PCLO: variants seen among roughly 807,000 people sequenced by gnomAD.
The protein encoded by PCLO is piccolo presynaptic cytomatrix protein, also known as protein piccolo.
Under a neutral mutation model 427.5 loss-of-function variants are expected in PCLO, and 82 were observed. That is an observed-to-expected ratio of 0.19 (90% CI 0.16 to 0.23). The LOEUF is 0.23. Ranked by LOEUF, PCLO falls within the 10% of genes least tolerant of loss-of-function variation. The probability of loss-of-function intolerance (pLI) is 1.00; values close to 1 mark genes in which losing one functional copy is unlikely to be tolerated. For missense variants in PCLO, 6,239 were observed against 6,115.9 expected (o/e 1.02, Z -0.67); for synonymous variants, 2,357 against 2,155.4 (o/e 1.09, Z -2.59).
At position 82,915,693 on chromosome 7, in the gene PCLO, A is replaced by G. The variant is rs1413359490; in HGVS notation, c.12293T>C (p.Leu4098Ser). 1.2e-6 allele frequency: 2 copies of G among 1,612,870 alleles called. No homozygotes were observed. Among genetic ancestry groups the G allele is most frequent in the Admixed American group, 3.3e-5 (2 of 59,818 alleles). ...SQEVTDFLAP[L>S]QSSSRLHSYV... ...ACTATGCAATCTAGAGGAAGACTGT[A>G]AAGGTGCTAGGAAATCTGTCACTTC... The change falls in exon 7 of 25, where the codon TTA becomes TCA. Residue 4098 changes from leucine to serine, a missense_variant. Physicochemically the swap from Leu to Ser is moderately radical, Grantham distance 145. This residue lies in a region of PCLO where 680 missense variants were observed against 677.3 expected (regional missense o/e 1.00). Transcript: ENST00000333891.
intron 3 of PCLO, among the ~76,000 whole-genome samples, chr7:83,022,141 A>T (rs1254984930): frequency 5.3e-5 from 8 of 152,072 alleles, no homozygotes; most frequent in Non-Finnish European, 8.8e-5. Context: ...GCCCATATGA[A>T]AGAGGCCTGA....
At chr7:83,120,219 T>C (rs763503655) in intron 3 of PCLO, among the ~76,000 whole-genome samples, 6 of 151,716 alleles carry the variant, frequency 4.0e-5, no homozygotes, top group South Asian at 2.1e-4. Context: ...CTGGCCAACA[T>C]AGCAAATCCT....
intron 3 of PCLO, among the ~76,000 whole-genome samples, chr7:83,024,433 C>T (rs902391279): frequency 3.3e-5 from 5 of 152,320 alleles, no homozygotes; most frequent in Admixed American, 2.6e-4. Context: ...GATTATATCC[C>T]GCACGTGGCT....
chr7:82,888,232 A>T (rs752682899), intron 9 of PCLO, among the ~76,000 whole-genome samples: 3 of 152,152 alleles, frequency 2.0e-5, no homozygotes, highest in Non-Finnish European at 2.9e-5. Flanking sequence ...GTTAGGATGG[A>T]ACACACTTGT....
chr7:83,028,402 G>A (rs1472832344), intron 3 of PCLO, among the ~76,000 whole-genome samples: 3 of 146,826 alleles, frequency 2.0e-5, no homozygotes, highest in Non-Finnish European at 3.0e-5. Context: ...ACTTACAAGG[G>A]ATGTGAAGGA....
chr7:83,065,372 A>C (rs2116330482), intron 3 of PCLO, among the ~76,000 whole-genome samples: 1 of 151,912 alleles, frequency 6.6e-6, no homozygotes, highest in East Asian at 1.9e-4. Context: ...TAGTCACTTA[A>C]ATAAAAACTC....
intron 22 of PCLO, among the ~76,000 whole-genome samples, chr7:82,799,655 T>G (rs1262460960): frequency 6.6e-6 from 1 of 152,092 alleles, no homozygotes; most frequent in Non-Finnish European, 1.5e-5. Context: ...TTCCAGTTGG[T>G]TTTGATCAGG....
intron 3 of PCLO, among the ~76,000 whole-genome samples, chr7:83,069,329 G>GA (rs934050403): frequency 9.9e-5 from 15 of 152,086 alleles, no homozygotes; most frequent in African/African-American, 3.6e-4. Context: ...TCATTTGGTT[G>GA]AAAAAAATCC....
chr7:83,027,599 C>G (rs1353835776), intron 3 of PCLO, among the ~76,000 whole-genome samples: 1 of 149,888 alleles, frequency 6.7e-6, no homozygotes, highest in Non-Finnish European at 1.5e-5. Context: ...CTCCCTAACT[C>G]ATTTTATGAG....
intron 3 of PCLO, among the ~76,000 whole-genome samples, chr7:83,090,173 A>G (rs9649067): frequency 0.56 from 84,333 of 151,860 alleles, 25,173 homozygotes; most frequent in African/African-American, 0.77. Context: ...GTGGTGGTGC[A>G]CGCCTGTAGT....
Position 82,966,388 on chromosome 7 carries a change from C to T in PCLO, c.3400G>A (p.Ala1134Thr). The T allele has an allele frequency of 6.2e-7, 1 of 1,613,718 alleles. No homozygotes were observed. The highest frequency in any genetic ancestry group is 8.5e-7 in the Non-Finnish European group (1 of 1,179,762). Residue 1134 changes from alanine to threonine, a missense_variant, in exon 4 of 25, where the codon GCA becomes ACA. Coordinates refer to ENST00000333891, the MANE Select transcript of PCLO (RefSeq NM_033026.6). ...KMPPAPSGPK[A>T]SPMPVPTESS... Reference sequence around the variant, plus strand: ...TCTGTAGGAACAGGCATAGGAGATGCTTTGGGTCCTGATGGTGCAGGTGGC... The same window carrying T: ...TCTGTAGGAACAGGCATAGGAGATGTTTTGGGTCCTGATGGTGCAGGTGGC...
At position 83,156,514 on chromosome 7, in the gene PCLO, G is replaced by C; in HGVS notation, c.249-122C>G. 5 of 589,056 alleles carry C rather than the reference G, an allele frequency of 8.5e-6. No individual in the cohort carries two copies. The East Asian group carries it at 1.1e-4, about 13-fold the overall frequency. The allele number at this position is 589,056 out of a possible 1,614,324, so 36.5% of individuals were successfully genotyped here. ...AATTATGAATGTATAAATATAACTA[G>C]AACCCATTTTTGTAGCATCCTTTAA... On this transcript the variant is annotated intron_variant, in intron 1 of 24. Coordinates refer to ENST00000333891, the MANE Select transcript of PCLO (RefSeq NM_033026.6).
At chr7:82,998,631 G>T (rs1787695450) in intron 3 of PCLO, among the ~76,000 whole-genome samples, 1 of 151,872 alleles carries the variant, frequency 6.6e-6, no homozygotes, top group African/African-American at 2.4e-5. Flanking sequence ...CAGTCCAGAG[G>T]CACATGTTCA....
chr7:82,840,872 T>G (rs1016337885), intron 14 of PCLO, among the ~76,000 whole-genome samples: 1 of 151,912 alleles, frequency 6.6e-6, no homozygotes, highest in African/African-American at 2.4e-5. Context: ...GTTTTAAAGT[T>G]TTATTTTTAC....
In PCLO at chr7:82,955,826, T is replaced by C. The variant is rs767813179; in HGVS notation, c.5127A>G (p.Glu1709=). The change falls in exon 5 of 25, where the codon GAA becomes GAG. Residue 1709 remains glutamate, a synonymous_variant. Transcript: ENST00000333891. The part of the protein sequence containing the change: ...LEMESLTDSP[E]DRSRGEGSSS... ...AAGATCCCTCTCCCCTTGACCTATC[T>C]TCAGGTGAGTCTGTCAGGCTTTCCA... 5.6e-6 allele frequency: 9 copies of C among 1,613,986 alleles called. No homozygotes were observed. The highest frequency in any genetic ancestry group is 7.6e-6 in the Non-Finnish European group (9 of 1,179,882).
intron 2 of PCLO, among the ~76,000 whole-genome samples, chr7:83,154,480 G>C (rs533662356): frequency 6.6e-6 from 1 of 152,252 alleles, no homozygotes; most frequent in South Asian, 2.1e-4. Flanking sequence ...CTTAAATACA[G>C]AGTGAAATGA....
chr7:82,949,514 T>C lies in PCLO; in HGVS notation c.11074A>G (p.Ser3692Gly). Residue 3692 changes from serine to glycine, a missense_variant, in exon 6 of 25, where the codon AGT becomes GGT. Coordinates refer to ENST00000333891, the MANE Select transcript of PCLO (RefSeq NM_033026.6). Reference sequence around the variant, plus strand: ...GTATACTGAAAAGGAGCCCTGGAACTTTCGTCTGCTGTTGGACTCAGAGGC... The same window carrying C: ...GTATACTGAAAAGGAGCCCTGGAACCTTCGTCTGCTGTTGGACTCAGAGGC... The part of the protein sequence containing the change: ...PKPLSPTADE[S>G]SRAPFQYTEG... 2 of 1,611,268 alleles carry C rather than the reference T, an allele frequency of 1.2e-6. No individual in the cohort carries two copies. The highest frequency in any genetic ancestry group is 1.3e-5 in the African/African-American group (1 of 74,854).
At chr7:82,896,525 A>G (rs1793907995) in intron 9 of PCLO, among the ~76,000 whole-genome samples, 2 of 151,720 alleles carry the variant, frequency 1.3e-5, no homozygotes, top group African/African-American at 4.8e-5. Context: ...AGCAGCCTCA[A>G]AGGAGTCTTT....
rs1397208052 is a variant in PCLO at position 82,956,791 on chromosome 7, T to C, written c.4162A>G (p.Ile1388Val). The C allele has an allele frequency of 6.2e-7, 1 of 1,613,780 alleles. No homozygotes were observed. Among genetic ancestry groups the C allele is most frequent in the South Asian group, 1.1e-5 (1 of 91,086 alleles). The change falls in exon 5 of 25, where the codon ATT becomes GTT. Residue 1388 changes from isoleucine (I) to valine (V), a missense_variant. Transcript: ENST00000333891. The part of the protein sequence containing the change: ...PSLIPTDEKD[I>V]LKGLKKDSFS... ...GAGTCCTTTTTGAGTCCCTTGAGAA[T>C]ATCCTTTTCATCAGTTGGAATAAGA...
Sources: allele counts gnomAD v4.1 joint callset (sites outside exome capture counted in the v4.1 genomes callset), GRCh38; gene constraint gnomAD v4.1.1; regional missense constraint gnomAD v4.1.1; transcripts MANE v1.5; gene names NCBI Gene and HGNC (gene_info 2026-07-23, HGNC 2026-07-21).